Variants in CDK14 observed in about 807,000 individuals in gnomAD.
CDK14 encodes the protein cyclin-dependent kinase 14.
CDK14 carries 34 observed loss-of-function variants against 60.7 expected under a neutral mutation model. That is an observed-to-expected ratio of 0.56 (90% confidence interval 0.43 to 0.75). The LOEUF (loss-of-function observed/expected upper bound fraction) is 0.75, where lower values mean the gene tolerates loss of function less well. Among genes scored for constraint, CDK14 ranks in the 30% least tolerant of loss-of-function variants. The pLI, the probability that CDK14 is intolerant of heterozygous loss-of-function variation, is 0.00. For synonymous variants in CDK14, 197 were observed against 203.7 expected (o/e 0.97, Z 0.28); for missense variants, 482 against 564.1 (o/e 0.85, Z 1.47).
intron 4 of CDK14, among the ~76,000 whole-genome samples, chr7:90,756,400 G>A (rs1256692017): frequency 6.6e-6 from 1 of 152,294 alleles, no homozygotes; most frequent in East Asian, 1.9e-4. Context: ...CTGAATAAAA[G>A]AAAGACTTTA....
At chr7:91,178,669 A>G (rs1801870835) in intron 14 of CDK14, among the ~76,000 whole-genome samples, 1 of 152,136 alleles carries the variant, frequency 6.6e-6, no homozygotes, top group South Asian at 2.1e-4. Flanking sequence ...ACACTTCTCA[A>G]AAGAAGACAT....
intron 14 of CDK14, among the ~76,000 whole-genome samples, chr7:91,174,983 G>A (rs1801675137): frequency 6.9e-6 from 1 of 145,912 alleles, no homozygotes; most frequent in East Asian, 2.0e-4. Flanking sequence ...CTTGAGAAGA[G>A]CAACTCCAAG....
At chr7:90,668,635 G>T (rs545653714) in intron 2 of CDK14, among the ~76,000 whole-genome samples, 1 of 143,424 alleles carries the variant, frequency 7.0e-6, no homozygotes, top group South Asian at 2.3e-4. Context: ...TATAGTTTTA[G>T]GTCTTACATT....
chr7:90,743,660 CTA>C (rs1803447046), intron 3 of CDK14, among the ~76,000 whole-genome samples: 1 of 151,882 alleles, frequency 6.6e-6, no homozygotes, highest in Admixed American at 6.6e-5. Flanking sequence ...CATTTCAAAA[CTA>C]TGTTATTTGG....
At chr7:90,869,798 C>T (rs1026076756) in intron 6 of CDK14, among the ~76,000 whole-genome samples, 3 of 152,180 alleles carry the variant, frequency 2.0e-5, no homozygotes, top group African/African-American at 7.2e-5. Flanking sequence ...AGACCAGAGC[C>T]AAAATCATGC....
At chr7:90,859,062 A>G (rs2117206587) in intron 5 of CDK14, among the ~76,000 whole-genome samples, 1 of 152,320 alleles carries the variant, frequency 6.6e-6, no homozygotes, top group South Asian at 2.1e-4. Flanking sequence ...TTAGTGTGCA[A>G]AACTAAGTTT....
At chr7:90,916,767 C>A (rs1793095918) in intron 7 of CDK14, among the ~76,000 whole-genome samples, 3 of 152,152 alleles carry the variant, frequency 2.0e-5, no homozygotes, top group Admixed American at 2.0e-4. Context: ...TAAAAATATT[C>A]TCTTTTTCAT....
chr7:90,854,057 C>T (rs762568117), intron 5 of CDK14, among the ~76,000 whole-genome samples: 20 of 152,138 alleles, frequency 1.3e-4, no homozygotes, highest in Admixed American at 2.6e-4. Context: ...AGTTGAGTAT[C>T]TTATGTGCCT....
In CDK14 at chr7:90,596,457, C is replaced by T. The variant is rs541442180; in HGVS notation, c.-171C>T. ...CGGCCCAGGCCGGAGCGGAGCCTGCCGTCCTCCGCCTGCCTGCTGCTCGCC... is the reference window on the plus strand; with the variant it reads ...CGGCCCAGGCCGGAGCGGAGCCTGCTGTCCTCCGCCTGCCTGCTGCTCGCC... On this transcript the variant is annotated 5_prime_UTR_variant, in exon 1 of 15. Transcript: ENST00000380050. 9.5e-6 allele frequency: 5 copies of T among 527,666 alleles called. No individual in the cohort carries two copies. Among genetic ancestry groups the T allele is most frequent in the Admixed American group, 7.1e-5 (2 of 28,046 alleles). The allele number at this position is 527,666 out of a possible 1,614,324, so 32.7% of individuals were successfully genotyped here.
chr7:91,105,909 G>A (rs1799282168), intron 12 of CDK14, among the ~76,000 whole-genome samples: 2 of 152,248 alleles, frequency 1.3e-5, no homozygotes, highest in South Asian at 2.1e-4. Flanking sequence ...AGGGAAAATA[G>A]CATATTAGAT....
chr7:90,870,635 A>G (rs1423204694), intron 6 of CDK14, among the ~76,000 whole-genome samples: 1 of 152,168 alleles, frequency 6.6e-6, no homozygotes. Context: ...CACTAGATTC[A>G]TTATCTAGTC....
chr7:91,175,951 A>T (rs1801732935), intron 14 of CDK14, among the ~76,000 whole-genome samples: 1 of 151,780 alleles, frequency 6.6e-6, no homozygotes, highest in African/African-American at 2.4e-5. Context: ...GCTCTGCACC[A>T]AGCGGACCTA....
At chr7:90,844,199 G>T (rs565773622) in intron 5 of CDK14, among the ~76,000 whole-genome samples, 1 of 152,298 alleles carries the variant, frequency 6.6e-6, no homozygotes, top group Non-Finnish European at 1.5e-5. Flanking sequence ...GGAGCCTGGA[G>T]GGAGGTGACC....
chr7:90,602,960 C>G (rs1333770336), intron 1 of CDK14, among the ~76,000 whole-genome samples: 2 of 152,122 alleles, frequency 1.3e-5, no homozygotes, highest in African/African-American at 4.8e-5. Context: ...AGTATGTATC[C>G]TAAGCTTTTC....
At chr7:91,044,495 G>A (rs1045066455) in intron 10 of CDK14, among the ~76,000 whole-genome samples, 1 of 152,118 alleles carries the variant, frequency 6.6e-6, no homozygotes, top group Non-Finnish European at 1.5e-5. Context: ...TAAGGCCTGT[G>A]TTGATGTTTC....
rs553440230 is a variant in CDK14, at chr7:90,654,378, A to G, written c.123+50129A>G. 7.0e-4 allele frequency among the ~76,000 whole-genome samples: 107 copies of G among 152,368 alleles called. 1 individual carries two copies. The highest frequency in any genetic ancestry group is 1.4e-3 in the Non-Finnish European group (93 of 68,040). ...GTGGAAAATGCAGACAACAATTCAC[A>G]AATCAGTTGCTAATTCTTTCTACCA... On this transcript the variant is annotated intron_variant, in intron 2 of 14. Transcript: ENST00000380050.
intron 5 of CDK14, among the ~76,000 whole-genome samples, chr7:90,836,869 C>T (rs369553885): frequency 2.9e-4 from 44 of 152,252 alleles, no homozygotes; most frequent in Admixed American, 2.5e-3. Context: ...ATGTGACCAT[C>T]GTCATATGTA....
At chr7:90,717,868 G>T (rs1802307556) in intron 2 of CDK14, among the ~76,000 whole-genome samples, 1 of 151,972 alleles carries the variant, frequency 6.6e-6, no homozygotes, top group Non-Finnish European at 1.5e-5. Context: ...GTGTGCTCAA[G>T]GTGTTTACAC....
chr7:90,784,000 A>G (rs1805459478), intron 4 of CDK14, among the ~76,000 whole-genome samples: 2 of 152,346 alleles, frequency 1.3e-5, no homozygotes, highest in Middle Eastern at 3.4e-3. Context: ...ACTGTTCACA[A>G]TAGTCAAGGT....
Sources: gnomAD v4.1 joint callset for allele counts (sites outside exome capture counted in the v4.1 genomes callset) on GRCh38, gnomAD v4.1.1 for gene constraint, MANE v1.5 for transcripts, NCBI Gene and HGNC (gene_info 2026-07-23, HGNC 2026-07-21) for gene names.